Variants in DYNLT2B observed in about 807,000 individuals in gnomAD.
DYNLT2B encodes dynein light chain Tctex-type protein 2B.
DYNLT2B carries 14 observed loss-of-function variants against 19.5 expected under a neutral mutation model. The observed-to-expected ratio is 0.72, with a 90% CI of 0.47 to 1.12. The LOEUF is 1.12. Among genes scored for constraint, DYNLT2B ranks in the 50% most tolerant of loss-of-function variants. The pLI, the probability that DYNLT2B is intolerant of heterozygous loss-of-function variation, is 0.00. For synonymous variants in DYNLT2B, 70 were observed against 59.7 expected (o/e 1.17, Z -0.79); for missense variants, 133 against 174.7 (o/e 0.76, Z 1.35).
At chr3:196,317,843 TCCCCTGCGG>T (rs959183073) in intron 1 of DYNLT2B, among the ~76,000 whole-genome samples, 188 bp downstream of exon 1, 1 of 151,650 alleles carries the variant, frequency 6.6e-6, no homozygotes, top group African/African-American at 2.4e-5. Context: ...GCGGGTGGGG[TCCCCTGCGG>T]CCCCTGCAGC....
Position 196,306,993 on chromosome 3 carries a change from G to A in DYNLT2B, c.267C>T (p.Tyr89=), listed in dbSNP as rs778110792. ...CAATCACTACTTGCACCACCATTTT[G>A]TATCGGTCAAATCCCATTTCTAGAA... ...DKLKEMGFDR[Y]KMVVQVVIGE... is the part of the protein sequence containing the mutation. The change falls in exon 3 of 5, where the codon TAC becomes TAT. Residue 89 remains tyrosine (Y), a synonymous_variant. Transcript: ENST00000325318. 2 of 1,613,890 alleles carry A rather than the reference G, an allele frequency of 1.2e-6. 1 individual carries two copies. Among genetic ancestry groups the A allele is most frequent in the South Asian group, 2.2e-5 (2 of 91,060 alleles).
rs1726941135 is a variant in DYNLT2B, at chr3:196,318,125, A to C, written c.28T>G (p.Ser10Ala). 2 of 1,553,912 alleles carry C rather than the reference A, an allele frequency of 1.3e-6. No homozygotes were observed. Among genetic ancestry groups the C allele is most frequent in the African/African-American group, 2.8e-5 (2 of 70,738 alleles). MATSIGVSF[S>A]VGDGVPEAEK... ...GCCTCAGGCACCCCGTCGCCCACCGAGAAGGACACTCCGATGGACGTGGCC... is the reference window on the plus strand; with the variant it reads ...GCCTCAGGCACCCCGTCGCCCACCGCGAAGGACACTCCGATGGACGTGGCC... The change falls in exon 1 of 5, where the codon TCG becomes GCG. Residue 10 changes from serine (S) to alanine (A), a missense_variant. Ser to Ala is a moderately conservative substitution (Grantham distance 99). Coordinates refer to ENST00000325318, the MANE Select transcript of DYNLT2B (RefSeq NM_152773.5).
At chr3:196,294,168 A>G (rs1252035221) in intron 4 of DYNLT2B, among the ~76,000 whole-genome samples, 1 of 151,932 alleles carries the variant, frequency 6.6e-6, no homozygotes, top group South Asian at 2.1e-4. Flanking sequence ...CCTAACCGAC[A>G]TGGAGAAACC....
intron 3 of DYNLT2B, among the ~76,000 whole-genome samples, chr3:196,305,172 C>G (rs969402291): frequency 6.6e-6 from 1 of 152,148 alleles, no homozygotes; most frequent in African/African-American, 2.4e-5. Flanking sequence ...GTGTGAGCCA[C>G]CACGCCCGGC....
intron 2 of DYNLT2B, among the ~76,000 whole-genome samples, chr3:196,307,263 C>T (rs527909467): frequency 5.3e-5 from 8 of 152,212 alleles, no homozygotes; most frequent in African/African-American, 1.4e-4. Context: ...ACCTACCTCC[C>T]AAGATTGTTA....
intron 2 of DYNLT2B, among the ~76,000 whole-genome samples, chr3:196,314,929 T>G (rs570455440): frequency 6.6e-6 from 1 of 151,482 alleles, no homozygotes; most frequent in African/African-American, 2.4e-5. Context: ...GGGTCGAGGG[T>G]TGAGTAAGGG....
chr3:196,315,394 C>G (rs1455149454), intron 2 of DYNLT2B: 20 of 322,564 alleles, frequency 6.2e-5, no homozygotes, highest in Non-Finnish European at 1.2e-5. Context: ...TCCCAAGCAG[C>G]TGGGACTGCA....
intron 4 of DYNLT2B, among the ~76,000 whole-genome samples, chr3:196,293,173 T>G (rs934310532): frequency 1.3e-5 from 2 of 152,066 alleles, no homozygotes; most frequent in Admixed American, 6.6e-5. Context: ...TTATTACATA[T>G]TTGTTCATTT....
intron 2 of DYNLT2B, among the ~76,000 whole-genome samples, chr3:196,312,095 G>A (rs575304776): frequency 6.6e-6 from 1 of 152,266 alleles, no homozygotes; most frequent in Admixed American, 6.5e-5. Flanking sequence ...GGTCAGCCTG[G>A]TTTCGAACTC....
rs568773917 is a variant in DYNLT2B, at chr3:196,299,178, G to A, written c.318-3109C>T. ...TGGCTCACTGCAACCACAACCTCCC[G>A]GGTTGAAGCAATTATCCTACCTCAG... On this transcript the variant is annotated intron_variant, in intron 3 of 4. Transcript: ENST00000325318. Among the ~76,000 whole-genome samples the A allele has an allele frequency of 2.6e-4, 39 of 151,366 alleles. 1 individual carries two copies. The South Asian group carries it at 4.0e-3, about 15-fold the overall frequency.
At chr3:196,316,790 G>A (rs1726809486) in intron 1 of DYNLT2B, among the ~76,000 whole-genome samples, 1 of 151,616 alleles carries the variant, frequency 6.6e-6, no homozygotes, top group South Asian at 2.1e-4. Context: ...TTCCATATTT[G>A]CCAAGCAAAT....
rs1344495452 is a variant in DYNLT2B, at chr3:196,295,021, C to T, written c.381+985G>A. On this transcript the variant is annotated intron_variant, in intron 4 of 4. Transcript: ENST00000325318. ...CCTCCCAAAGTGCTGAGATTACAAGCGTGAGCCACCCCACCTGGCCTCACT... is the reference window on the plus strand; with the variant it reads ...CCTCCCAAAGTGCTGAGATTACAAGTGTGAGCCACCCCACCTGGCCTCACT... Among the ~76,000 whole-genome samples the T allele has an allele frequency of 4.6e-5, 7 of 152,096 alleles. No individual in the cohort carries two copies. In the East Asian group the frequency reaches 5.8e-4, roughly 13 times the overall value.
intron 3 of DYNLT2B, among the ~76,000 whole-genome samples, chr3:196,306,693 C>T (rs910491229): frequency 1.3e-5 from 2 of 151,990 alleles, no homozygotes; most frequent in African/African-American, 2.4e-5. Flanking sequence ...GGACTACAAG[C>T]GCACGCCATC....
intron 3 of DYNLT2B, among the ~76,000 whole-genome samples, chr3:196,302,098 C>T (rs550142588): frequency 2.0e-5 from 3 of 152,018 alleles, no homozygotes; most frequent in African/African-American, 7.2e-5. Context: ...CAGAGCGAGA[C>T]TCCGTCTGAA....
At chr3:196,298,479 A>G (rs1726275196) in intron 3 of DYNLT2B, among the ~76,000 whole-genome samples, 1 of 152,042 alleles carries the variant, frequency 6.6e-6, no homozygotes, top group East Asian at 1.9e-4. Context: ...ACGCCTGGCT[A>G]ATTTTTATAT....
At chr3:196,311,639 A>G (rs1466544872) in intron 2 of DYNLT2B, among the ~76,000 whole-genome samples, 1 of 151,806 alleles carries the variant, frequency 6.6e-6, no homozygotes, top group Non-Finnish European at 1.5e-5. Flanking sequence ...GCTACTGAGC[A>G]TAAAGGTGAA....
At chr3:196,314,507 A>G (rs1364236181) in intron 2 of DYNLT2B, among the ~76,000 whole-genome samples, 1 of 151,364 alleles carries the variant, frequency 6.6e-6, no homozygotes, top group African/African-American at 2.4e-5. Flanking sequence ...ATCAGACGGT[A>G]TAACATTATT....
At chr3:196,316,325 C>T in intron 1 of DYNLT2B, 94 bp from the exon 2 acceptor site, 1 of 1,234,158 alleles carries the variant, frequency 8.1e-7, no homozygotes, top group South Asian at 1.8e-5. Flanking sequence ...GTCATTAGTA[C>T]CACTTAATCC....
chr3:196,312,026 A>G (rs1310418481), intron 2 of DYNLT2B, among the ~76,000 whole-genome samples: 1 of 152,110 alleles, frequency 6.6e-6, no homozygotes, highest in African/African-American at 2.4e-5. Flanking sequence ...GATTACAGGC[A>G]TGCGCCACCA....
Sources: gnomAD v4.1 joint callset for allele counts (sites outside exome capture counted in the v4.1 genomes callset) on GRCh38, gnomAD v4.1.1 for gene constraint, MANE v1.5 for transcripts, NCBI Gene and HGNC (gene_info 2026-07-23, HGNC 2026-07-21) for gene names.